The following GSE1 variants were observed in gnomAD, a reference collection of about 807,000 sequenced individuals.
GSE1 encodes the protein genetic suppressor element 1.
Under a neutral mutation model 112.6 loss-of-function variants are expected in GSE1, and 32 were observed. The observed-to-expected ratio is 0.28, with a 90% CI of 0.21 to 0.38. The LOEUF (loss-of-function observed/expected upper bound fraction) is 0.38, where lower values mean the gene tolerates loss of function less well. Ranked by LOEUF, GSE1 falls within the 10% of genes least tolerant of loss-of-function variation. The pLI, the probability that GSE1 is intolerant of heterozygous loss-of-function variation, is 1.00. For missense variants in GSE1, 2,348 were observed against 1,699.2 expected (o/e 1.38, Z -6.71); for synonymous variants, 1,115 against 735.6 (o/e 1.52, Z -8.35).
intron 1 of GSE1, among the ~76,000 whole-genome samples, chr16:85,240,280 C>T (rs1905070030): frequency 6.6e-6 from 1 of 152,316 alleles, no homozygotes; most frequent in South Asian, 2.1e-4. Flanking sequence ...CCAGGGGCTT[C>T]CCCAGCTGGA....
chr16:85,592,056 C>G (rs534725212), intron 1 of GSE1, among the ~76,000 whole-genome samples: 83 of 152,350 alleles, frequency 5.4e-4, no homozygotes, highest in African/African-American at 1.9e-3. Flanking sequence ...ACCCCCCGCC[C>G]CCCGCTCCCG....
Position 85,331,705 on chromosome 16 carries a change from A to AT in GSE1, c.2284-25757dup, listed in dbSNP as rs2046375274. Among the ~76,000 whole-genome samples, 20 of 52,838 alleles carry AT rather than the reference A, an allele frequency of 3.8e-4. 1 individual carries two copies. Among genetic ancestry groups the AT allele is most frequent in the African/African-American group, 1.3e-3 (18 of 13,522 alleles). 34.7% of individuals were successfully genotyped at this position (52,838 alleles called of 152,430 possible). Reference sequence around the variant, plus strand: ...TGTGTGTATATATATATATATATATATATTTTTTTTTTTTTTTTTTTTAGT... The same window carrying AT: ...TGTGTGTATATATATATATATATATATTATTTTTTTTTTTTTTTTTTTTAGT... On this transcript the variant is annotated intron_variant, in intron 1 of 2. Coordinates refer to the GSE1 transcript ENST00000637419.
At chr16:85,446,674 G>T (rs1347383610) in intron 2 of GSE1, among the ~76,000 whole-genome samples, 2 of 152,218 alleles carry the variant, frequency 1.3e-5, no homozygotes, top group African/African-American at 4.8e-5. Context: ...CTGCATGGCA[G>T]GGAGACCTAC....
chr16:85,660,389 C>T (rs565646636), intron 8 of GSE1, among the ~76,000 whole-genome samples: 30 of 152,290 alleles, frequency 2.0e-4, no homozygotes, highest in Admixed American at 8.5e-4. Flanking sequence ...GTAATCCCAG[C>T]ACTTCGGGAG....
upstream of GSE1, chr16:85,611,370 A>C: frequency 6.0e-6 from 3 of 501,548 alleles, no homozygotes; most frequent in Non-Finnish European, 7.3e-6. Flanking sequence ...TCCGCCGGCC[A>C]GTGCGGGTAT....
At chr16:85,359,048 C>G (rs901864350) in intron 2 of GSE1, among the ~76,000 whole-genome samples, 1 of 152,256 alleles carries the variant, frequency 6.6e-6, no homozygotes, top group East Asian at 1.9e-4. Flanking sequence ...TTGTGACAGG[C>G]CTTGGCACCC....
intron 2 of GSE1, among the ~76,000 whole-genome samples, chr16:85,530,960 T>G (rs2044116833): frequency 6.6e-6 from 1 of 152,236 alleles, no homozygotes; most frequent in Middle Eastern, 3.2e-3. Flanking sequence ...CTGACAGGTG[T>G]TGTTTGTGTT....
At chr16:85,495,910 TAGAA>T (rs1386120217) in intron 2 of GSE1, among the ~76,000 whole-genome samples, 2 of 152,092 alleles carry the variant, frequency 1.3e-5, no homozygotes, top group Non-Finnish European at 2.9e-5. Flanking sequence ...CTTGTCCTGA[TAGAA>T]AGGATGCCAG....
intron 2 of GSE1, among the ~76,000 whole-genome samples, chr16:85,517,605 C>T (rs531789447): frequency 7.4e-6 from 1 of 134,714 alleles, no homozygotes; most frequent in East Asian, 2.0e-4. Flanking sequence ...ACGCTCCCCT[C>T]CCCCCGCCTG....
chr16:85,537,988 G>A (rs2044389547), intron 2 of GSE1, among the ~76,000 whole-genome samples: 1 of 152,180 alleles, frequency 6.6e-6, no homozygotes, highest in African/African-American at 2.4e-5. Context: ...GCCAGCTCTT[G>A]AGTGAGGGCC....
chr16:85,371,187 T>A (rs915189019), intron 2 of GSE1, among the ~76,000 whole-genome samples: 3 of 152,146 alleles, frequency 2.0e-5, no homozygotes, highest in African/African-American at 7.2e-5. Context: ...CCGCTGCTCC[T>A]CGGGCTACCA....
chr16:85,548,495 G>A (rs973925762), intron 2 of GSE1, among the ~76,000 whole-genome samples: 11 of 152,118 alleles, frequency 7.2e-5, no homozygotes, highest in African/African-American at 2.7e-4. Flanking sequence ...AGATCATGCA[G>A]TGTTTGCCTT....
chr16:85,652,890 C>G (rs1396005725), intron 3 of GSE1, among the ~76,000 whole-genome samples: 3 of 151,964 alleles, frequency 2.0e-5, no homozygotes, highest in Non-Finnish European at 2.9e-5. Flanking sequence ...CAGAGCGGGG[C>G]TGGTGCTCTT....
chr16:85,513,481 C>T (rs984527402), intron 2 of GSE1, among the ~76,000 whole-genome samples: 60 of 152,108 alleles, frequency 3.9e-4, no homozygotes, highest in African/African-American at 1.4e-3. Context: ...CTCCTGCAGG[C>T]TACCCCCCTC....
Position 85,508,191 on chromosome 16 carries a change from G to A in GSE1, c.2465-125723G>A, listed in dbSNP as rs531589846. Among the ~76,000 whole-genome samples the A allele has an allele frequency of 1.9e-3, 296 of 152,214 alleles. 1 individual carries two copies. The highest frequency in any genetic ancestry group is 3.5e-3 in the Non-Finnish European group (240 of 68,014). On this transcript the variant is annotated intron_variant, in intron 2 of 2. Transcript: ENST00000637419. Reference sequence around the variant, plus strand: ...TGGGATTACAGGCATGCGTCACCACGCCCAGCTAATTTTTGTGTTTTTAGT... The same window carrying A: ...TGGGATTACAGGCATGCGTCACCACACCCAGCTAATTTTTGTGTTTTTAGT...
Position 85,511,098 on chromosome 16 carries a change from G to A in GSE1, c.2465-122816G>A, listed in dbSNP as rs548933045. 3.3e-5 allele frequency among the ~76,000 whole-genome samples: 5 copies of A among 152,336 alleles called. 1 individual carries two copies. In the Middle Eastern group the frequency reaches 0.014, roughly 415 times the overall value. On this transcript the variant is annotated intron_variant, in intron 2 of 2. Transcript: ENST00000637419. ...TCCTCAGTGCCCAGAACAGTGCCTG[G>A]CACTCAGTGAACATTAGACGGATGG...
At chr16:85,617,630 C>T (rs1312332058) in intron 1 of GSE1, among the ~76,000 whole-genome samples, 2 of 147,572 alleles carry the variant, frequency 1.4e-5, no homozygotes, top group Non-Finnish European at 3.0e-5. Flanking sequence ...CCACGTGCAG[C>T]CCAAGCTGAG....
At chr16:85,299,875 T>C (rs1200098197) in intron 1 of GSE1, among the ~76,000 whole-genome samples, 2 of 150,940 alleles carry the variant, frequency 1.3e-5, no homozygotes, top group African/African-American at 4.9e-5. Context: ...GGTCGAGGCT[T>C]CTGTGAGCTC....
At position 85,179,292 on chromosome 16, in the gene GSE1, A is replaced by G. The variant is rs114674665; in HGVS notation, c.2283+7485A>G. On this transcript the variant is annotated intron_variant, in intron 1 of 2. Coordinates refer to the GSE1 transcript ENST00000637419. ...TTGTGACTGGCTTCTTTCACGCAGCACCATGTTTTCAGGGTTCATCCATGC... is the reference window on the plus strand; with the variant it reads ...TTGTGACTGGCTTCTTTCACGCAGCGCCATGTTTTCAGGGTTCATCCATGC... Among the ~76,000 whole-genome samples, 1,290 of 152,250 alleles carry G rather than the reference A, an allele frequency of 8.5e-3. 19 individuals are homozygous for G. Among genetic ancestry groups the G allele is most frequent in the African/African-American group, 0.029 (1,185 of 41,540 alleles).
Sources: gnomAD v4.1 joint callset for allele counts (sites outside exome capture counted in the v4.1 genomes callset) on GRCh38, gnomAD v4.1.1 for gene constraint, MANE v1.5 for transcripts, NCBI Gene and HGNC (gene_info 2026-07-23, HGNC 2026-07-21) for gene names.